Variants in CUL9 observed in about 807,000 individuals in gnomAD.
CUL9 encodes cullin-9.
CUL9 carries 79 observed loss-of-function variants against 272.6 expected under a neutral mutation model. The ratio of observed to expected loss-of-function variants is 0.29; its 90% CI spans 0.24 to 0.35. The LOEUF (loss-of-function observed/expected upper bound fraction) is 0.35, where lower values mean the gene tolerates loss of function less well. Ranked by LOEUF, CUL9 falls within the 10% of genes least tolerant of loss-of-function variation. The pLI, the probability that CUL9 is intolerant of heterozygous loss-of-function variation, is 1.00. For synonymous variants in CUL9, 1,186 were observed against 1,286.5 expected, an observed-to-expected ratio of 0.92 and a Z score of 1.67; for missense variants, 2,532 against 3,255.6, an observed-to-expected ratio of 0.78 and a Z score of 5.41.
In CUL9 at chr6:43,218,645, G is replaced by A. The variant is rs1776111641; in HGVS notation, c.6283-1814G>A. Among the ~76,000 whole-genome samples the A allele has an allele frequency of 6.6e-6, 1 of 152,186 alleles. No individual in the cohort carries two copies. The highest frequency in any genetic ancestry group is 1.5e-5 in the Non-Finnish European group (1 of 68,038). ...AAGAGATGGTGGTAGTTTGGACTGG[G>A]GCAGTGGCGATGAGAGAGGGTGGAT... On this transcript the variant is annotated intron_variant, in intron 31 of 40. Transcript: ENST00000252050. The surrounding 1 kb of genome is among the most constrained non-coding windows in gnomAD (Gnocchi z 4.4).
chr6:43,213,782 C>T lies in CUL9; in HGVS notation c.5558C>T (p.Ala1853Val). Residue 1853 changes from alanine (A) to valine (V), a missense_variant, in exon 29 of 41, where the codon GCA becomes GTA. Transcript: ENST00000252050. This position sits in a 1 kb window ranked among gnomAD's most constrained non-coding sequence, Gnocchi z 5.7. ...GEALWLIPPQ[A>V]YLNVEKDEGR... ...GCCCTGTGGCTGATACCTCCCCAGGCATACCTGAACGTAGAGAAGGATGAA... is the reference window on the plus strand; with the variant it reads ...GCCCTGTGGCTGATACCTCCCCAGGTATACCTGAACGTAGAGAAGGATGAA... The T allele has an allele frequency of 1.2e-6, 2 of 1,614,162 alleles. No individual in the cohort carries two copies. Among genetic ancestry groups the T allele is most frequent in the African/African-American group, 1.3e-5 (1 of 75,042 alleles).
chr6:43,184,393 A>G lies in CUL9; in HGVS notation c.83A>G (p.Gln28Arg). 1 of 1,612,212 alleles carries G rather than the reference A, an allele frequency of 6.2e-7. No individual in the cohort carries two copies. The highest frequency in any genetic ancestry group is 8.5e-7 in the Non-Finnish European group (1 of 1,178,768). Residue 28 changes from glutamine to arginine, a missense_variant, in exon 2 of 41, where the codon CAG becomes CGG. This residue lies in a region of CUL9 where 2,218 missense variants were observed against 2,788.6 expected (regional missense o/e 0.80). Coordinates refer to ENST00000252050, the MANE Select transcript of CUL9 (RefSeq NM_015089.4). This position sits in a 1 kb window ranked among gnomAD's most constrained non-coding sequence, Gnocchi z 4.8. Reference sequence around the variant, plus strand: ...GCATATCCTGAAGAACTCATTCGACAGAGGCCTGGGCATGACGGGCATCCT... The same window carrying G: ...GCATATCCTGAAGAACTCATTCGACGGAGGCCTGGGCATGACGGGCATCCT... Reference protein sequence around the residue: ...LQAYPEELIRQRPGHDGHPEY... With the variant: ...LQAYPEELIRRRPGHDGHPEY...
chr6:43,223,328 C>A lies in CUL9; in HGVS notation c.7215C>A (p.Leu2405=), dbSNP rs1293356452. ...SSLRLLRADC[L]STGMELLRRI... is the part of the protein sequence containing the mutation. ...TGCGCCTCCTGCGGGCCGACTGCCT[C>A]AGCACGGGCATGGAGCTGCTCCGGC... The change falls in exon 39 of 41, where the codon CTC becomes CTA. Residue 2405 remains leucine (L), a synonymous_variant. Transcript: ENST00000252050. This position sits in a 1 kb window ranked among gnomAD's most constrained non-coding sequence, Gnocchi z 4.1. 6.2e-7 allele frequency: 1 copy of A among 1,602,044 alleles called. No homozygotes were observed. The highest frequency in any genetic ancestry group is 8.5e-7 in the Non-Finnish European group (1 of 1,174,424).
At chr6:43,186,599 G>A (rs1271832472) in intron 4 of CUL9, 144 bp downstream of exon 4, 2 of 1,275,898 alleles carry the variant, frequency 1.6e-6, no homozygotes, top group Non-Finnish European at 2.1e-6. Flanking sequence ...TGGCATTTGT[G>A]CGGGGTGCAT....
rs963106215 is a variant in CUL9, at chr6:43,220,545, G to C, written c.6369G>C (p.Gln2123His). 2 of 1,613,988 alleles carry C rather than the reference G, an allele frequency of 1.2e-6. No homozygotes were observed. Among genetic ancestry groups the C allele is most frequent in the African/African-American group, 2.7e-5 (2 of 74,888 alleles). ...CTCPIADCPA[Q>H]PTGAFIRAIV... ...GCCCCATTGCCGACTGCCCCGCCCA[G>C]CCCACCGGAGCCTTCATTCGTGCCA... The change falls in exon 32 of 41, where the codon CAG becomes CAC. Residue 2123 changes from glutamine to histidine, a missense_variant. Transcript: ENST00000252050. This position sits in a 1 kb window ranked among gnomAD's most constrained non-coding sequence, Gnocchi z 4.9.
rs1368789732 is a variant in CUL9, at chr6:43,223,372, T to C, written c.7259T>C (p.Leu2420Pro). The C allele has an allele frequency of 6.2e-7, 1 of 1,600,892 alleles. No homozygotes were observed. Among genetic ancestry groups the C allele is most frequent in the Non-Finnish European group, 8.5e-7 (1 of 1,173,572 alleles). ...CTCCGGCGGATCCAGGAGAGGCTGC[T>C]TGCCATCCTGCAGCATTCTGCCCAG... ...ELLRRIQERL[L>P]AILQHSAQDF... The change falls in exon 39 of 41, where the codon CTT (leucine) becomes CCT (proline). Residue 2420 changes from leucine (L) to proline (P), a missense_variant. By Grantham distance (98) the Leu-to-Pro change is moderately conservative. Around this residue, in one of 3 missense-constraint regions of CUL9, gnomAD observed 237 missense variants for 305.9 expected, o/e 0.77. Transcript: ENST00000252050. The surrounding 1 kb of genome is among the most constrained non-coding windows in gnomAD (Gnocchi z 4.1).
At position 43,204,794 on chromosome 6, in the gene CUL9, A is replaced by G. The variant is rs768428150; in HGVS notation, c.4386A>G (p.Pro1462=). ...GGGACCGGAGCCCGGCGCCTTCGCC[A>G]GTGCTTCCAAGCAGCAGCCTGAGGA... ...KGRDRSPAPS[P]VLPSSSLRNI... The change falls in exon 22 of 41, where the codon CCA becomes CCG. Residue 1462 remains proline (P), a synonymous_variant. Coordinates refer to ENST00000252050, the MANE Select transcript of CUL9 (RefSeq NM_015089.4). 2 of 1,614,236 alleles carry G rather than the reference A, an allele frequency of 1.2e-6. No individual in the cohort carries two copies. Among genetic ancestry groups the G allele is most frequent in the Non-Finnish European group, 1.7e-6 (2 of 1,180,036 alleles).
Position 43,220,422 on chromosome 6 carries a change from ACT to A in CUL9, c.6283-36_6283-35del. ...GACACTCCCCCTGTGCTGCTCCCACACTGTCTGTGAGCAGCCCCTCCTTTTGT... is the reference window on the plus strand; with the variant it reads ...GACACTCCCCCTGTGCTGCTCCCACAGTCTGTGAGCAGCCCCTCCTTTTGT... On this transcript the variant is annotated intron_variant, in intron 31 of 40. Transcript: ENST00000252050. The surrounding 1 kb of genome is among the most constrained non-coding windows in gnomAD (Gnocchi z 4.9). 3 of 1,612,154 alleles carry A rather than the reference ACT, an allele frequency of 1.9e-6. No homozygotes were observed. The highest frequency in any genetic ancestry group is 1.7e-6 in the Non-Finnish European group (2 of 1,178,834).
chr6:43,185,906 G>A, intron 3 of CUL9, 49 bp from the exon 4 acceptor site: 1 of 1,545,274 alleles, frequency 6.5e-7, no homozygotes, highest in Non-Finnish European at 8.7e-7. Flanking sequence ...GAAGGGGAGA[G>A]GCTAAAGCCA....
Position 43,213,091 on chromosome 6 carries a change from C to A in CUL9, c.5213-58C>A. The A allele has an allele frequency of 5.0e-6, 8 of 1,591,226 alleles. No individual in the cohort carries two copies. Among genetic ancestry groups the A allele is most frequent in the Non-Finnish European group, 6.9e-6 (8 of 1,165,964 alleles). On this transcript the variant is annotated intron_variant, in intron 26 of 40. Coordinates refer to ENST00000252050, the MANE Select transcript of CUL9 (RefSeq NM_015089.4). The surrounding 1 kb of genome is among the most constrained non-coding windows in gnomAD (Gnocchi z 5.7). ...GGAGCAAAGCTTGACACCTCAACCC[C>A]TAAACCCCTTGTTTCGCCCATTCTG...
Position 43,205,370 on chromosome 6 carries a change from C to T in CUL9, c.4740C>T (p.Pro1580=). Reference sequence around the variant, plus strand: ...GGCAGCTTCAGCGGCACCTGGAACCCATTATGGTCCTTTCTGGTCTGGAAC... The same window carrying T: ...GGCAGCTTCAGCGGCACCTGGAACCTATTATGGTCCTTTCTGGTCTGGAAC... ...MLGQLQRHLE[P]IMVLSGLELA... The change falls in exon 24 of 41, where the codon CCC becomes CCT. Residue 1580 remains proline, a synonymous_variant. Coordinates refer to ENST00000252050, the MANE Select transcript of CUL9 (RefSeq NM_015089.4). The T allele has an allele frequency of 6.2e-7, 1 of 1,614,180 alleles. No individual in the cohort carries two copies. The highest frequency in any genetic ancestry group is 8.5e-7 in the Non-Finnish European group (1 of 1,180,040).
In CUL9 at chr6:43,199,296, G is replaced by A. The variant is rs1374285397; in HGVS notation, c.3081G>A (p.Glu1027=). ...TAACCCGACTGCTGGATTTCCCTGAGGCAATGGTCCTCCCCTGGCACGAGG... is the reference window on the plus strand; with the variant it reads ...TAACCCGACTGCTGGATTTCCCTGAAGCAATGGTCCTCCCCTGGCACGAGG... ...RVITRLLDFP[E]AMVLPWHEVL... is the part of the protein sequence containing the mutation. The change falls in exon 13 of 41, where the codon GAG becomes GAA. Residue 1027 remains glutamate, a synonymous_variant. Coordinates refer to ENST00000252050, the MANE Select transcript of CUL9 (RefSeq NM_015089.4). The surrounding 1 kb of genome is among the most constrained non-coding windows in gnomAD (Gnocchi z 4.4). 6.2e-7 allele frequency: 1 copy of A among 1,613,648 alleles called. No individual in the cohort carries two copies. The highest frequency in any genetic ancestry group is 1.1e-5 in the South Asian group (1 of 91,060).
At chr6:43,210,356 A>C (rs1430056926) in intron 26 of CUL9, among the ~76,000 whole-genome samples, 1 of 152,224 alleles carries the variant, frequency 6.6e-6, no homozygotes, top group Non-Finnish European at 1.5e-5. Flanking sequence ...TTCCCAGGCA[A>C]AATACTAAGT....
At position 43,203,627 on chromosome 6, in the gene CUL9, G is replaced by A; in HGVS notation, c.4025+35G>A. On this transcript the variant is annotated intron_variant, in intron 19 of 40. Transcript: ENST00000252050. This position sits in a 1 kb window ranked among gnomAD's most constrained non-coding sequence, Gnocchi z 5.0. ...GCCTGAGGAGGGAAGATGGGTAAGG[G>A]AACAGGACACTGTGAGAAGTAGGAG... The A allele has an allele frequency of 1.9e-6, 3 of 1,599,504 alleles. No homozygotes were observed. The highest frequency in any genetic ancestry group is 1.7e-6 in the Non-Finnish European group (2 of 1,172,354).
In CUL9 at chr6:43,196,284, C is replaced by T. The variant is rs1254855278; in HGVS notation, c.2585+19C>T. 2.5e-6 allele frequency: 4 copies of T among 1,603,138 alleles called. No homozygotes were observed. In the Admixed American group the frequency reaches 5.0e-5, roughly 20 times the overall value. On this transcript the variant is annotated intron_variant, in intron 10 of 40. Transcript: ENST00000252050. ...CTGAGGGGTCAGGGCATTACCTTCC[C>T]AACTCCAGGCTCCTGCTTAGTCCCA...
At chr6:43,217,641 G>A (rs1225015475) in intron 31 of CUL9, among the ~76,000 whole-genome samples, 2 of 152,198 alleles carry the variant, frequency 1.3e-5, no homozygotes, top group African/African-American at 2.4e-5. Flanking sequence ...TTGTGTGCAC[G>A]TGCATGCGTG....
intron 9 of CUL9, among the ~76,000 whole-genome samples, 188 bp downstream of exon 9, chr6:43,193,396 A>T (rs960459378): frequency 1.3e-5 from 2 of 151,958 alleles, no homozygotes; most frequent in Non-Finnish European, 2.9e-5. Context: ...GGGAAAAGGG[A>T]GTTTTGGGGT....
chr6:43,201,528 G>A (rs1038165015), intron 16 of CUL9, among the ~76,000 whole-genome samples: 1 of 152,172 alleles, frequency 6.6e-6, no homozygotes, highest in African/African-American at 2.4e-5. Context: ...CGCCCAGGCT[G>A]GAGTACAGTG....
chr6:43,184,458 G>A lies in CUL9; in HGVS notation c.148G>A (p.Val50Met), dbSNP rs912152327. ...ATGGAGTGTCCTGAAGTGTGGGGAA[G>A]TGGGCAAAGTGGGTGTGGAAGAAGG... ...IRWSVLKCGE[V>M]GKVGVEEGKA... Residue 50 changes from valine (V) to methionine (M), a missense_variant, in exon 2 of 41, where the codon GTG (valine) becomes ATG (methionine). This residue lies in a region of CUL9 where 2,218 missense variants were observed against 2,788.6 expected (regional missense o/e 0.80). Coordinates refer to ENST00000252050, the MANE Select transcript of CUL9 (RefSeq NM_015089.4). This position sits in a 1 kb window ranked among gnomAD's most constrained non-coding sequence, Gnocchi z 4.8. The A allele has an allele frequency of 1.2e-6, 2 of 1,613,742 alleles. No homozygotes were observed. Among genetic ancestry groups the A allele is most frequent in the African/African-American group, 2.7e-5 (2 of 74,910 alleles).
Sources: gnomAD v4.1 joint callset for allele counts (sites outside exome capture counted in the v4.1 genomes callset) on GRCh38, gnomAD v4.1.1 for gene constraint, gnomAD v4.1.1 regional missense constraint, Gnocchi (gnomAD v3.1) non-coding constraint, MANE v1.5 for transcripts, NCBI Gene and HGNC (gene_info 2026-07-23, HGNC 2026-07-21) for gene names.